APP: variants seen among roughly 807,000 people sequenced by gnomAD.
APP encodes amyloid beta precursor protein, also known as amyloid-beta precursor protein.
APP carries 31 observed loss-of-function variants against 101.4 expected under a neutral mutation model. The observed-to-expected ratio is 0.31, with a 90% CI of 0.23 to 0.41. The LOEUF is 0.41. Ranked by LOEUF, APP falls within the 10% of genes least tolerant of loss-of-function variation. The pLI, the probability that APP is intolerant of heterozygous loss-of-function variation, is 1.00. For missense variants in APP, 839 were observed against 1,003.7 expected, an observed-to-expected ratio of 0.84 and a Z score of 2.22; for synonymous variants, 366 against 364.4, an observed-to-expected ratio of 1.00 and a Z score of -0.05.
At chr21:26,037,157 T>C (rs562544531) in intron 5 of APP, among the ~76,000 whole-genome samples, 69 of 152,196 alleles carry the variant, frequency 4.5e-4, no homozygotes, top group Non-Finnish European at 9.0e-4. Context: ...ATGCAGAAGC[T>C]AGAAAATGTT....
intron 14 of APP, among the ~76,000 whole-genome samples, chr21:25,910,098 T>A (rs995602545): frequency 6.6e-6 from 1 of 151,996 alleles, no homozygotes; most frequent in African/African-American, 2.4e-5. Context: ...ACTAATTGCA[T>A]GTTATAAGGT....
At chr21:26,072,927 A>C (rs949380214) in intron 3 of APP, among the ~76,000 whole-genome samples, 3 of 152,202 alleles carry the variant, frequency 2.0e-5, no homozygotes, top group Non-Finnish European at 2.9e-5. Flanking sequence ...TTCTCTGTTT[A>C]ACCTAAGAAG....
intron 1 of APP, among the ~76,000 whole-genome samples, chr21:26,137,153 G>C (rs535739581): frequency 2.6e-4 from 39 of 152,212 alleles, no homozygotes; most frequent in African/African-American, 9.1e-4. Context: ...TGTTGCCCAG[G>C]CTAACATCAA....
Position 25,976,044 on chromosome 21 carries a change from A to C in APP, c.1225-16T>G. 7 of 1,598,546 alleles carry C rather than the reference A, an allele frequency of 4.4e-6. No individual in the cohort carries two copies. The highest frequency in any genetic ancestry group is 6.0e-6 in the Non-Finnish European group (7 of 1,166,054). ...CTCTCATGACCTATAAATTAAGGAA[A>C]CATTTGAATTTAAAATCATCAGTTC... On this transcript the variant is annotated splice_polypyrimidine_tract_variant and intron_variant, in intron 9 of 17. Transcript: ENST00000346798.
intron 8 of APP, among the ~76,000 whole-genome samples, chr21:25,993,662 C>T (rs766993540): frequency 2.6e-5 from 4 of 152,180 alleles, no homozygotes; most frequent in Admixed American, 6.5e-5. Context: ...TTTCAACATG[C>T]CCCCAAATTT....
intron 1 of APP, among the ~76,000 whole-genome samples, chr21:26,151,051 T>C (rs2063259088): frequency 1.3e-5 from 2 of 152,198 alleles, no homozygotes; most frequent in Non-Finnish European, 1.5e-5. Context: ...GACCTTACAC[T>C]AGGTTCTGTA....
chr21:26,083,815 CAA>C (rs2061644969), intron 3 of APP, among the ~76,000 whole-genome samples: 1 of 152,140 alleles, frequency 6.6e-6, no homozygotes, highest in Non-Finnish European at 1.5e-5. Flanking sequence ...AGCAGTTTTT[CAA>C]AAGTTATCGT....
chr21:25,986,200 G>C (rs1436787840), intron 8 of APP, among the ~76,000 whole-genome samples: 2 of 152,130 alleles, frequency 1.3e-5, no homozygotes, highest in African/African-American at 2.4e-5. Flanking sequence ...GGAATGTCAG[G>C]ATATGTCACA....
At chr21:26,061,166 T>C (rs2145995177) in intron 3 of APP, among the ~76,000 whole-genome samples, 1 of 152,304 alleles carries the variant, frequency 6.6e-6, no homozygotes, top group African/African-American at 2.4e-5. Context: ...CAGATCTAAA[T>C]AATCAAATAG....
At chr21:26,004,275 C>CTT (rs71183538) in intron 6 of APP, among the ~76,000 whole-genome samples, 1,646 of 72,794 alleles carry the variant, frequency 0.023, 41 homozygotes, top group African/African-American at 0.044. Context: ...TGTATTAATT[C>CTT]TTTTTTTTTT....
intron 15 of APP, among the ~76,000 whole-genome samples, chr21:25,904,779 A>G (rs2038700996): frequency 6.6e-6 from 1 of 152,122 alleles, no homozygotes; most frequent in African/African-American, 2.4e-5. Context: ...CAAATTTGGA[A>G]GGGCTCTCTT....
chr21:25,891,383 T>C (rs1253784700), intron 17 of APP, among the ~76,000 whole-genome samples: 1 of 152,220 alleles, frequency 6.6e-6, no homozygotes, highest in Non-Finnish European at 1.5e-5. Flanking sequence ...TTTTAACTTC[T>C]TGTACTGGTT....
At chr21:26,121,152 A>G (rs1028057153) in intron 1 of APP, among the ~76,000 whole-genome samples, 9 of 152,218 alleles carry the variant, frequency 5.9e-5, no homozygotes, top group African/African-American at 1.9e-4. Context: ...AACAAATCCC[A>G]AAGTTAAAGC....
chr21:25,943,764 G>T (rs1329001583), intron 13 of APP, among the ~76,000 whole-genome samples: 1 of 152,120 alleles, frequency 6.6e-6, no homozygotes, highest in African/African-American at 2.4e-5. Context: ...AAACTTCTAA[G>T]ACTTCCTTAC....
In APP at chr21:25,975,097, G is replaced by A; in HGVS notation, c.1431C>T (p.Ile477=). 6.2e-7 allele frequency: 1 copy of A among 1,614,110 alleles called. No homozygotes were observed. Among genetic ancestry groups the A allele is most frequent in the South Asian group, 1.1e-5 (1 of 91,082 alleles). ...DRRRLALENY[I]TALQAVPPRP... is the part of the protein sequence containing the mutation. ...GAGGAGGAACAGCCTGCAGAGCGGT[G>A]ATGTAGTTCTCCAGGGCCAGGCGGC... is the stretch of plus-strand genomic sequence containing the variant. The change falls in exon 11 of 18, where the codon ATC becomes ATT. Residue 477 remains isoleucine, a synonymous_variant. Coordinates refer to ENST00000346798, the MANE Select transcript of APP (RefSeq NM_000484.4).
At chr21:25,897,753 A>C in intron 15 of APP, 80 bp from the exon 16 acceptor site, 3 of 1,215,740 alleles carry the variant, frequency 2.5e-6, no homozygotes, top group Non-Finnish European at 3.7e-6. Context: ...GACAAAGCCT[A>C]CCCAAAACTT....
At chr21:26,162,371 A>G (rs2146381817) in intron 1 of APP, among the ~76,000 whole-genome samples, 1 of 152,186 alleles carries the variant, frequency 6.6e-6, no homozygotes, top group East Asian at 1.9e-4. Flanking sequence ...AAATTCATCC[A>G]ATAGTAGGAG....
chr21:26,168,499 C>G (rs970003583), intron 1 of APP, among the ~76,000 whole-genome samples: 2 of 152,208 alleles, frequency 1.3e-5, no homozygotes, highest in African/African-American at 2.4e-5. Flanking sequence ...GCAGAAAGAG[C>G]ATATTAATGC....
At chr21:25,886,734 C>T (rs1481289389) in intron 17 of APP, among the ~76,000 whole-genome samples, 1 of 151,990 alleles carries the variant, frequency 6.6e-6, no homozygotes, top group Non-Finnish European at 1.5e-5. Flanking sequence ...CTTCCAATTT[C>T]TCTTCCTGCT....
Sources: allele counts gnomAD v4.1 joint callset (sites outside exome capture counted in the v4.1 genomes callset), GRCh38; gene constraint gnomAD v4.1.1; transcripts MANE v1.5; gene names NCBI Gene and HGNC (gene_info 2026-07-23, HGNC 2026-07-21).